The following CSMD3 variants were observed in gnomAD, a reference collection of about 807,000 sequenced individuals.
CSMD3 encodes the protein CUB and Sushi multiple domains 3, also known as CUB and sushi domain-containing protein 3.
CSMD3 carries 177 observed loss-of-function variants against 435.2 expected under a neutral mutation model. The observed-to-expected ratio is 0.41, with a 90% CI of 0.36 to 0.46. CSMD3 has a LOEUF of 0.46. Ranked by LOEUF, CSMD3 falls within the 20% of genes least tolerant of loss-of-function variation. The probability of loss-of-function intolerance (pLI) is 0.34; values close to 1 mark genes in which losing one functional copy is unlikely to be tolerated. For synonymous variants in CSMD3, 1,656 were observed against 1,520.5 expected (o/e 1.09, Z -2.07); for missense variants, 4,265 against 4,504.6 (o/e 0.95, Z 1.52).
chr8:113,191,874 C>A (rs1345679270), intron 3 of CSMD3, among the ~76,000 whole-genome samples: 1 of 151,556 alleles, frequency 6.6e-6, no homozygotes, highest in African/African-American at 2.4e-5. Context: ...CCCTCCAATG[C>A]ATGTGTTCCC....
chr8:113,409,057 AC>A (rs2094545998), intron 1 of CSMD3, among the ~76,000 whole-genome samples: 1 of 145,124 alleles, frequency 6.9e-6, no homozygotes, highest in Non-Finnish European at 1.5e-5. Context: ...CCACAATAAG[AC>A]TTTTTCTTCT....
At chr8:112,921,891 A>G in intron 9 of CSMD3, 140 bp from the exon 10 acceptor site, 1 of 691,554 alleles carries the variant, frequency 1.4e-6, no homozygotes, top group Non-Finnish European at 2.6e-6. Flanking sequence ...ATGTGAAAGT[A>G]TGACTTGTAG....
chr8:112,791,466 T>C lies in CSMD3; in HGVS notation c.1972+8696A>G, dbSNP rs2078690798. Among the ~76,000 whole-genome samples, 5 of 152,188 alleles carry C rather than the reference T, an allele frequency of 3.3e-5. No individual in the cohort carries two copies. In the South Asian group the frequency reaches 1.0e-3, roughly 32 times the overall value. On this transcript the variant is annotated intron_variant, in intron 13 of 70. Transcript: ENST00000297405. ...CACTATAGATTTTGTTAGCATTTTC[T>C]AGAATTTTAAATAAATAACATCCTT...
At chr8:113,306,038 T>C (rs573610447) in intron 2 of CSMD3, among the ~76,000 whole-genome samples, 2 of 152,310 alleles carry the variant, frequency 1.3e-5, no homozygotes, top group Non-Finnish European at 2.9e-5. Flanking sequence ...GAGGTCATAG[T>C]TGAACCAACA....
At chr8:112,997,188 T>C (rs1319437722) in intron 6 of CSMD3, among the ~76,000 whole-genome samples, 1 of 151,690 alleles carries the variant, frequency 6.6e-6, no homozygotes, top group African/African-American at 2.4e-5. Context: ...AAAAAGTTGA[T>C]AGAGCTTATT....
intron 3 of CSMD3, among the ~76,000 whole-genome samples, chr8:113,227,946 A>T (rs1005032389): frequency 6.6e-6 from 1 of 151,622 alleles, no homozygotes; most frequent in African/African-American, 2.4e-5. Context: ...TATCAAGATG[A>T]CTAAAGATCA....
intron 4 of CSMD3, among the ~76,000 whole-genome samples, chr8:113,131,402 C>T (rs903043745): frequency 2.0e-5 from 3 of 152,056 alleles, no homozygotes; most frequent in Admixed American, 2.0e-4. Flanking sequence ...GCCACTCCAC[C>T]TCTAGTCATG....
intron 11 of CSMD3, 90 bp from the exon 12 acceptor site, chr8:112,829,879 C>G: frequency 1.5e-6 from 1 of 660,342 alleles, no homozygotes; most frequent in Non-Finnish European, 2.7e-6. Context: ...CATTCTTTGT[C>G]TCTCTGCACA....
chr8:112,897,784 C>T (rs145093823), intron 10 of CSMD3, among the ~76,000 whole-genome samples: 1,588 of 146,026 alleles, frequency 0.011, 30 homozygotes, highest in African/African-American at 0.037. Context: ...AGGCATAAAG[C>T]GGGAGGAAAA....
chr8:113,193,165 T>C (rs1187643578), intron 3 of CSMD3, among the ~76,000 whole-genome samples: 1 of 151,194 alleles, frequency 6.6e-6, no homozygotes, highest in Non-Finnish European at 1.5e-5. Flanking sequence ...ATGGAAACAC[T>C]CACTTATTCC....
chr8:112,487,982 A>T (rs575741715), intron 31 of CSMD3, among the ~76,000 whole-genome samples: 2 of 152,284 alleles, frequency 1.3e-5, no homozygotes, highest in East Asian at 1.9e-4. Flanking sequence ...TTCTAAACAA[A>T]TTTTTTTAAT....
intron 12 of CSMD3, among the ~76,000 whole-genome samples, chr8:112,800,717 C>G (rs2078941049): frequency 6.6e-6 from 1 of 152,108 alleles, no homozygotes; most frequent in African/African-American, 2.4e-5. Flanking sequence ...TATAACCGAA[C>G]CCTTTGCAAT....
At chr8:112,310,625 C>G in intron 50 of CSMD3, 1 of 341,026 alleles carries the variant, frequency 2.9e-6, no homozygotes, top group Non-Finnish European at 5.7e-6. Flanking sequence ...CTTGCCCATT[C>G]TTATTCTCTA....
At chr8:113,399,976 A>G (rs1178185817) in intron 1 of CSMD3, among the ~76,000 whole-genome samples, 1 of 151,698 alleles carries the variant, frequency 6.6e-6, no homozygotes, top group Non-Finnish European at 1.5e-5. Flanking sequence ...ATACATATAT[A>G]TCACTTTTGG....
At chr8:112,338,558 C>T (rs1343608473) in intron 42 of CSMD3, among the ~76,000 whole-genome samples, 1 of 152,028 alleles carries the variant, frequency 6.6e-6, no homozygotes, top group African/African-American at 2.4e-5. Context: ...TTCTGAAAAT[C>T]AAAGACTACT....
At chr8:113,149,907 A>G (rs1241073765) in intron 4 of CSMD3, among the ~76,000 whole-genome samples, 1 of 151,982 alleles carries the variant, frequency 6.6e-6, no homozygotes, top group East Asian at 1.9e-4. Context: ...TTAGTAAAAC[A>G]CTGCTACTTT....
chr8:112,404,714 T>C (rs1204225953), intron 35 of CSMD3, among the ~76,000 whole-genome samples: 1 of 152,038 alleles, frequency 6.6e-6, no homozygotes, highest in South Asian at 2.1e-4. Flanking sequence ...GCAAATATAA[T>C]TTATTTTCAT....
At chr8:113,266,398 T>C (rs960986298) in intron 3 of CSMD3, among the ~76,000 whole-genome samples, 1 of 151,310 alleles carries the variant, frequency 6.6e-6, no homozygotes, top group Admixed American at 6.6e-5. Flanking sequence ...CATTCTTGTT[T>C]AAGCAATGTT....
At chr8:112,732,879 G>A (rs1489123740) in intron 13 of CSMD3, among the ~76,000 whole-genome samples, 1 of 152,042 alleles carries the variant, frequency 6.6e-6, no homozygotes, top group African/African-American at 2.4e-5. Flanking sequence ...AATTACCAGT[G>A]TAACCTAATA....
Sources: gnomAD v4.1 joint callset for allele counts (sites outside exome capture counted in the v4.1 genomes callset) on GRCh38, gnomAD v4.1.1 for gene constraint, MANE v1.5 for transcripts, NCBI Gene and HGNC (gene_info 2026-07-23, HGNC 2026-07-21) for gene names.